Variants in GLIS3 observed in about 807,000 individuals in gnomAD.
GLIS3 encodes the protein zinc finger protein GLIS3.
GLIS3 carries 53 observed loss-of-function variants against 78.6 expected under a neutral mutation model. That is an observed-to-expected ratio of 0.67 (90% CI 0.54 to 0.85). GLIS3 has a LOEUF of 0.85. Ranked by LOEUF, GLIS3 falls within the 40% of genes least tolerant of loss-of-function variation. The probability of loss-of-function intolerance (pLI) is 0.00; values close to 1 mark genes in which losing one functional copy is unlikely to be tolerated. For synonymous variants in GLIS3, 684 were observed against 509.9 expected, an observed-to-expected ratio of 1.34 and a Z score of -4.60; for missense variants, 1,703 against 1,231.1, an observed-to-expected ratio of 1.38 and a Z score of -5.74.
intron 2 of GLIS3, among the ~76,000 whole-genome samples, chr9:4,242,248 C>A (rs1271655565): frequency 1.3e-5 from 2 of 152,102 alleles, no homozygotes; most frequent in Non-Finnish European, 2.9e-5. Flanking sequence ...CACGGTAACA[C>A]AGGGCCGTCT....
intron 2 of GLIS3, among the ~76,000 whole-genome samples, chr9:4,181,149 G>T (rs1029451063): frequency 6.6e-6 from 1 of 152,216 alleles, no homozygotes; most frequent in Non-Finnish European, 1.5e-5. Flanking sequence ...GTAATGAGAA[G>T]GGCTTCAGGC....
chr9:4,138,620 A>C (rs1833582074), intron 2 of GLIS3, among the ~76,000 whole-genome samples: 2 of 152,178 alleles, frequency 1.3e-5, no homozygotes, highest in Non-Finnish European at 2.9e-5. Context: ...GGAAGCCGTA[A>C]AGAATGAGAC....
the GLIS3 span, among the ~76,000 whole-genome samples, chr9:4,439,455 G>A: frequency 6.6e-6 from 1 of 152,052 alleles, no homozygotes; most frequent in African/African-American, 2.4e-5. Context: ...CTGGCCACAG[G>A]CACTCACTTG....
intron 4 of GLIS3, among the ~76,000 whole-genome samples, chr9:3,946,655 A>C (rs1035121298): frequency 7.9e-5 from 12 of 152,158 alleles, no homozygotes; most frequent in African/African-American, 2.7e-4. Flanking sequence ...ATATTCTGAG[A>C]AATTTGTAGC....
At chr9:4,198,918 T>G (rs372121396) in intron 2 of GLIS3, among the ~76,000 whole-genome samples, 204 of 152,304 alleles carry the variant, frequency 1.3e-3, no homozygotes, top group African/African-American at 3.9e-3. Context: ...TCAGCATTCT[T>G]AAAGAAAAGA....
At chr9:4,300,212 A>T (rs1358431027), upstream of GLIS3, among the ~76,000 whole-genome samples, 1 of 7,418 alleles carries the variant, frequency 1.3e-4, no homozygotes, top group African/African-American at 1.5e-4. Context: ...ACGCATTCAC[A>T]CACACACACA....
intron 2 of GLIS3, among the ~76,000 whole-genome samples, chr9:4,219,411 T>C (rs545954638): frequency 1.3e-5 from 2 of 152,328 alleles, no homozygotes; most frequent in South Asian, 4.1e-4. Context: ...ATTGACTGCA[T>C]CCTCTACAAA....
intron 7 of GLIS3, 137 bp downstream of exon 7, chr9:3,898,554 G>C (rs1823040811): frequency 1.1e-6 from 1 of 926,244 alleles, no homozygotes; most frequent in African/African-American, 1.6e-5. Flanking sequence ...AAGGGGTGGA[G>C]AGCAATTTGC....
At chr9:4,417,765 G>T in the GLIS3 span, among the ~76,000 whole-genome samples, 1 of 152,220 alleles carries the variant, frequency 6.6e-6, no homozygotes, top group African/African-American at 2.4e-5. Context: ...CACCAACCAG[G>T]TATCATTGAA....
chr9:4,126,040 C>G, intron 2 of GLIS3, 99 bp from the exon 3 acceptor site: 1 of 902,074 alleles, frequency 1.1e-6, no homozygotes, highest in Non-Finnish European at 1.8e-6. Flanking sequence ...TCTTTAGAGA[C>G]AGTCCTCAGA....
the GLIS3 span, among the ~76,000 whole-genome samples, chr9:4,416,252 T>TTTA: frequency 0.066 from 4,995 of 75,668 alleles, 595 homozygotes; most frequent in East Asian, 0.31. Context: ...ACACTGTTTT[T>TTTA]AAAAAAAAAA....
chr9:4,086,730 G>A (rs1028641642), intron 4 of GLIS3, among the ~76,000 whole-genome samples: 1 of 152,176 alleles, frequency 6.6e-6, no homozygotes, highest in Non-Finnish European at 1.5e-5. Flanking sequence ...TCTACAGCAT[G>A]TGCCGGGCAC....
chr9:4,407,479 A>C, the GLIS3 span, among the ~76,000 whole-genome samples: 11 of 152,134 alleles, frequency 7.2e-5, no homozygotes, highest in Non-Finnish European at 1.5e-4. Flanking sequence ...CCCCGTCTCT[A>C]CTAAAAATAC....
chr9:3,927,498 C>G (rs1825333741), intron 6 of GLIS3, among the ~76,000 whole-genome samples: 1 of 152,176 alleles, frequency 6.6e-6, no homozygotes, highest in Admixed American at 6.5e-5. Context: ...TAATAACATT[C>G]TGTGGAACGT....
the GLIS3 span, among the ~76,000 whole-genome samples, chr9:4,360,463 T>G: frequency 6.6e-6 from 1 of 152,126 alleles, no homozygotes; most frequent in Non-Finnish European, 1.5e-5. Flanking sequence ...ACTAGTAATA[T>G]TAATTTGCTG....
chr9:4,139,262 G>C (rs56301472), intron 2 of GLIS3, among the ~76,000 whole-genome samples: 34,653 of 152,136 alleles, frequency 0.23, 4,392 homozygotes, highest in Middle Eastern at 0.36. Flanking sequence ...CTCTGGGTGA[G>C]ACCCCTCACT....
At chr9:4,102,522 G>C (rs1830445822) in intron 4 of GLIS3, among the ~76,000 whole-genome samples, 1 of 152,144 alleles carries the variant, frequency 6.6e-6, no homozygotes, top group Non-Finnish European at 1.5e-5. Context: ...TCACTACTGA[G>C]GGTACAGAAG....
At chr9:4,047,553 C>T (rs1382218087) in intron 4 of GLIS3, among the ~76,000 whole-genome samples, 1 of 152,200 alleles carries the variant, frequency 6.6e-6, no homozygotes, top group East Asian at 1.9e-4. Context: ...GGTTCACTTA[C>T]TTTGCATTTT....
intron 1 of GLIS3, among the ~76,000 whole-genome samples, chr9:4,289,120 A>T (rs867684337): frequency 6.6e-6 from 1 of 152,318 alleles, no homozygotes; most frequent in South Asian, 2.1e-4. Context: ...GTGTGAATGA[A>T]ATGGCACTCA....
Sources: gnomAD v4.1 joint callset for allele counts (sites outside exome capture counted in the v4.1 genomes callset) on GRCh38, gnomAD v4.1.1 for gene constraint, MANE v1.5 for transcripts, NCBI Gene and HGNC (gene_info 2026-07-23, HGNC 2026-07-21) for gene names.